Variants in CFAP45 observed in about 807,000 individuals in gnomAD.
CFAP45 encodes the protein cilia and flagella associated protein 45.
CFAP45 carries 43 observed loss-of-function variants against 75.6 expected under a neutral mutation model. The observed-to-expected ratio is 0.57, with a 90% CI of 0.45 to 0.73. The LOEUF is 0.73. Ranked by LOEUF, CFAP45 falls within the 30% of genes least tolerant of loss-of-function variation. The pLI is 0.00. For synonymous variants in CFAP45, 223 were observed against 244.6 expected, an observed-to-expected ratio of 0.91 and a Z score of 0.82; for missense variants, 689 against 701.5, an observed-to-expected ratio of 0.98 and a Z score of 0.20.
chr1:159,888,907 G>A (rs1230632426), intron 3 of CFAP45, among the ~76,000 whole-genome samples: 1 of 152,082 alleles, frequency 6.6e-6, no homozygotes, highest in Non-Finnish European at 1.5e-5. Context: ...GCTCCTTCAG[G>A]ACACAAACTC....
At chr1:159,874,592 T>A (rs1181620742) in intron 10 of CFAP45, among the ~76,000 whole-genome samples, 1 of 152,120 alleles carries the variant, frequency 6.6e-6, no homozygotes, top group Non-Finnish European at 1.5e-5. Context: ...CTCTTCTGAG[T>A]GAAGGGGTAA....
At chr1:159,899,887 C>T (rs978033134) in intron 1 of CFAP45, 2 of 579,146 alleles carry the variant, frequency 3.5e-6, no homozygotes, top group African/African-American at 3.8e-5. Context: ...CAGCGCGCTC[C>T]ACATTTCCAA....
intron 6 of CFAP45, among the ~76,000 whole-genome samples, 195 bp from the exon 7 acceptor site, chr1:159,884,760 T>C (rs1407081893): frequency 6.6e-6 from 1 of 152,166 alleles, no homozygotes; most frequent in Non-Finnish European, 1.5e-5. Context: ...TTGGCCTCCT[T>C]TCTCCTGAGC....
chr1:159,897,861 AAAAG>A (rs1649987417), intron 1 of CFAP45, among the ~76,000 whole-genome samples: 1 of 152,218 alleles, frequency 6.6e-6, no homozygotes, highest in African/African-American at 2.4e-5. Flanking sequence ...ACAGACCTAA[AAAAG>A]AAAACAAACA....
At chr1:159,892,860 C>T (rs190453075) in intron 2 of CFAP45, among the ~76,000 whole-genome samples, 18 of 152,332 alleles carry the variant, frequency 1.2e-4, no homozygotes, top group Admixed American at 1.2e-3. Flanking sequence ...GCCCATCAGC[C>T]CTGCAATGTT....
chr1:159,890,047 G>A (rs1649789087), intron 3 of CFAP45, among the ~76,000 whole-genome samples: 1 of 152,202 alleles, frequency 6.6e-6, no homozygotes, highest in Admixed American at 6.5e-5. Context: ...CTTAGAGTCT[G>A]GGAGGAAGCC....
intron 3 of CFAP45, 99 bp from the exon 4 acceptor site, chr1:159,888,595 G>T: frequency 1.7e-6 from 2 of 1,150,446 alleles, no homozygotes; most frequent in South Asian, 1.4e-5. Context: ...CATCATGCCA[G>T]TGGACTCCCC....
At chr1:159,882,732 G>C (rs956811293) in intron 7 of CFAP45, among the ~76,000 whole-genome samples, 2 of 152,152 alleles carry the variant, frequency 1.3e-5, no homozygotes, top group African/African-American at 4.8e-5. Context: ...TGGACTCCTA[G>C]AACTTCCTCA....
rs112976698 is a variant in CFAP45, at chr1:159,900,158, C to T, written c.-60G>A. Reference sequence around the variant, plus strand: ...CTGCCGCCTCGGCGCCGCCAAGGCCCTAGTGTTGACGCGTTACCTTGGCAA... The same window carrying T: ...CTGCCGCCTCGGCGCCGCCAAGGCCTTAGTGTTGACGCGTTACCTTGGCAA... On this transcript the variant is annotated 5_prime_UTR_variant, in exon 1 of 12. Coordinates refer to ENST00000368099, the MANE Select transcript of CFAP45 (RefSeq NM_012337.3). The T allele has an allele frequency of 2.9e-4, 467 of 1,611,784 alleles. 6 individuals are homozygous for T. The highest frequency in any genetic ancestry group is 2.4e-3 in the South Asian group (220 of 90,936).
At chr1:159,872,588 T>C in intron 11 of CFAP45, 25 bp from the exon 12 acceptor site, 1 of 1,602,154 alleles carries the variant, frequency 6.2e-7, no homozygotes, top group Non-Finnish European at 8.6e-7. Context: ...CAGGCAGGTA[T>C]AAGGAAAGGT....
intron 1 of CFAP45, chr1:159,898,249 A>G (rs770067983): frequency 1.0e-6 from 1 of 985,298 alleles, no homozygotes; most frequent in African/African-American, 1.7e-5. Context: ...TCTTTCTTCA[A>G]TTGGGACCAA....
At chr1:159,899,635 T>C (rs1650028406) in intron 1 of CFAP45, among the ~76,000 whole-genome samples, 1 of 151,842 alleles carries the variant, frequency 6.6e-6, no homozygotes, top group African/African-American at 2.4e-5. Flanking sequence ...GCCCGGCTAA[T>C]TTTTTGTATT....
chr1:159,886,046 C>A (rs1649670236), intron 6 of CFAP45, among the ~76,000 whole-genome samples: 1 of 152,068 alleles, frequency 6.6e-6, no homozygotes. Context: ...GGGAAATAAG[C>A]TTCTAAAAAT....
intron 7 of CFAP45, among the ~76,000 whole-genome samples, chr1:159,884,181 C>T (rs1477167153): frequency 6.6e-6 from 1 of 152,172 alleles, no homozygotes; most frequent in African/African-American, 2.4e-5. Context: ...TGTGTCTATT[C>T]ACAGTGATAT....
intron 2 of CFAP45, among the ~76,000 whole-genome samples, chr1:159,892,261 C>T (rs1649846752): frequency 6.6e-6 from 1 of 151,974 alleles, no homozygotes; most frequent in African/African-American, 2.4e-5. Flanking sequence ...CACTCCAGCT[C>T]CAGCCTGGGT....
chr1:159,889,176 A>G (rs974432751), intron 3 of CFAP45, among the ~76,000 whole-genome samples: 1 of 152,102 alleles, frequency 6.6e-6, no homozygotes, highest in African/African-American at 2.4e-5. Context: ...AGACATGTCT[A>G]TAGACCTCTC....
At chr1:159,898,720 C>T (rs1287005695) in intron 1 of CFAP45, among the ~76,000 whole-genome samples, 1 of 152,142 alleles carries the variant, frequency 6.6e-6, no homozygotes, top group Non-Finnish European at 1.5e-5. Context: ...CTAACATTTA[C>T]CATATGCCCT....
chr1:159,898,295 T>C, intron 1 of CFAP45: 3 of 873,306 alleles, frequency 3.4e-6, no homozygotes, highest in Non-Finnish European at 4.1e-6. Context: ...GAAGATAACA[T>C]CCTAGTCAGT....
At chr1:159,875,391 G>A (rs781110062) in intron 10 of CFAP45, among the ~76,000 whole-genome samples, 15 of 152,102 alleles carry the variant, frequency 9.9e-5, no homozygotes, top group Non-Finnish European at 2.1e-4. Flanking sequence ...CAACCCTGGG[G>A]GCAGAGAAAA....
Sources: allele counts gnomAD v4.1 joint callset (sites outside exome capture counted in the v4.1 genomes callset), GRCh38; gene constraint gnomAD v4.1.1; transcripts MANE v1.5; gene names NCBI Gene and HGNC (gene_info 2026-07-23, HGNC 2026-07-21).